The following RFX3 variants were observed in gnomAD, a reference collection of about 807,000 sequenced individuals.
RFX3 encodes regulatory factor X3.
A neutral mutation model predicts 98.6 loss-of-function variants in RFX3; 14 were observed. The ratio of observed to expected loss-of-function variants is 0.14; its 90% CI spans 0.09 to 0.22. The LOEUF (loss-of-function observed/expected upper bound fraction) is 0.22, where lower values mean the gene tolerates loss of function less well. Ranked by LOEUF, RFX3 falls within the 10% of genes least tolerant of loss-of-function variation. RFX3 has a pLI of 1.00. For synonymous variants in RFX3, 383 were observed against 328.4 expected, an observed-to-expected ratio of 1.17 and a Z score of -1.80; for missense variants, 639 against 926.9, an observed-to-expected ratio of 0.69 and a Z score of 4.03.
At chr9:3,334,506 A>T (rs1307726774) in intron 3 of RFX3, among the ~76,000 whole-genome samples, 3 of 152,198 alleles carry the variant, frequency 2.0e-5, no homozygotes, top group African/African-American at 7.2e-5. Flanking sequence ...AGATATATGA[A>T]ATATCTATAT....
At chr9:3,489,336 T>C (rs961024478) in intron 1 of RFX3, 16 of 617,074 alleles carry the variant, frequency 2.6e-5, no homozygotes, top group Non-Finnish European at 2.6e-5. Flanking sequence ...CCTTCCCACC[T>C]ATCCACCCCA....
intron 2 of RFX3, among the ~76,000 whole-genome samples, chr9:3,351,318 T>C (rs1008372700): frequency 1.3e-5 from 2 of 152,006 alleles, no homozygotes; most frequent in Non-Finnish European, 2.9e-5. Context: ...TGCACATATA[T>C]ATGTAAATAT....
In RFX3 at chr9:3,270,366, C is replaced by T; in HGVS notation, c.1357+5G>A. On this transcript the variant is annotated splice_donor_5th_base_variant and intron_variant, in intron 11 of 16. Coordinates refer to ENST00000617270, the MANE Select transcript of RFX3 (RefSeq NM_001282116.2). The stretch of plus-strand genomic sequence containing the variant: ...AGCATCCGTACTCGTCTGCATTTAA[C>T]TTACTAGGAATAGGTCTAAGGACGT... 1 of 1,609,200 alleles carries T rather than the reference C, an allele frequency of 6.2e-7. No homozygotes were observed. The highest frequency in any genetic ancestry group is 8.5e-7 in the Non-Finnish European group (1 of 1,178,346).
intron 1 of RFX3, among the ~76,000 whole-genome samples, chr9:3,412,190 C>T (rs1439677586): frequency 1.3e-5 from 2 of 152,056 alleles, no homozygotes; most frequent in African/African-American, 4.8e-5. Flanking sequence ...ATAATAAGAC[C>T]ACTAAAGGTC....
intron 4 of RFX3, among the ~76,000 whole-genome samples, chr9:3,304,248 T>A (rs1829015569): frequency 6.6e-6 from 1 of 152,024 alleles, no homozygotes; most frequent in Non-Finnish European, 1.5e-5. Flanking sequence ...ATATTCATTT[T>A]AAAAATTTAT....
At position 3,505,582 on chromosome 9, in the gene RFX3, A is replaced by G. The variant is rs1474287489; in HGVS notation, c.-9+20165T>C. On this transcript the variant is annotated intron_variant, in intron 1 of 16. Coordinates refer to ENST00000617270, the MANE Select transcript of RFX3 (RefSeq NM_001282116.2). ...CTGTGTGAGGACAGATGTAAAAATTAGGACTCTTTAACAGGAAGGCCAGCA... is the reference window on the plus strand; with the variant it reads ...CTGTGTGAGGACAGATGTAAAAATTGGGACTCTTTAACAGGAAGGCCAGCA... 2.0e-5 allele frequency among the ~76,000 whole-genome samples: 3 copies of G among 149,744 alleles called. No homozygotes were observed. In the East Asian group the frequency reaches 5.8e-4, roughly 29 times the overall value.
intron 2 of RFX3, among the ~76,000 whole-genome samples, chr9:3,383,173 G>C (rs1041315675): frequency 5.3e-5 from 8 of 151,826 alleles, no homozygotes; most frequent in African/African-American, 1.9e-4. Flanking sequence ...CTTTTTTTAA[G>C]GTTCTATATT....
chr9:3,283,583 C>A (rs978219298), intron 7 of RFX3, among the ~76,000 whole-genome samples: 3 of 151,766 alleles, frequency 2.0e-5, no homozygotes, highest in African/African-American at 7.2e-5. Flanking sequence ...TTTCCTCTCT[C>A]ACTTCTAAAA....
At chr9:3,312,827 G>A (rs999024396) in intron 4 of RFX3, among the ~76,000 whole-genome samples, 7 of 152,218 alleles carry the variant, frequency 4.6e-5, no homozygotes, top group Non-Finnish European at 8.8e-5. Flanking sequence ...AGGGGCGTCC[G>A]CCATTGCTTA....
At chr9:3,516,931 G>C (rs1818239194) in intron 1 of RFX3, among the ~76,000 whole-genome samples, 1 of 152,184 alleles carries the variant, frequency 6.6e-6, no homozygotes, top group South Asian at 2.1e-4. Context: ...GAGAAAATGA[G>C]GGCACTTGGC....
chr9:3,495,413 A>T (rs1328074276), intron 1 of RFX3, among the ~76,000 whole-genome samples: 1 of 151,976 alleles, frequency 6.6e-6, no homozygotes, highest in African/African-American at 2.4e-5. Flanking sequence ...TCATTGATGT[A>T]AAAAAATGGC....
intron 2 of RFX3, among the ~76,000 whole-genome samples, chr9:3,352,938 G>C (rs908415450): frequency 6.6e-6 from 1 of 151,880 alleles, no homozygotes; most frequent in Non-Finnish European, 1.5e-5. Flanking sequence ...CAAAGACTTG[G>C]AACCAACCCA....
chr9:3,288,190 A>G lies in RFX3; in HGVS notation c.792T>C (p.Arg264=). ...IRVKPDSPLN[R]LQEDMQYMAM... is the part of the protein sequence containing the mutation. The stretch of plus-strand genomic sequence containing the variant: ...CCATATACTGCATGTCTTCTTGCAG[A>G]CGATTAAGAGGGGAATCTGGCTTGA... The change falls in exon 7 of 17, where the codon CGT becomes CGC. Residue 264 remains arginine, a synonymous_variant. Transcript: ENST00000617270. 6.2e-7 allele frequency: 1 copy of G among 1,612,208 alleles called. No homozygotes were observed.
At chr9:3,246,579 A>T (rs575579901) in intron 15 of RFX3, among the ~76,000 whole-genome samples, 85 of 152,332 alleles carry the variant, frequency 5.6e-4, no homozygotes, top group African/African-American at 2.0e-3. Flanking sequence ...TAAGTATACT[A>T]AAAGGCAAGG....
chr9:3,355,595 C>T (rs775251656), intron 2 of RFX3, among the ~76,000 whole-genome samples: 14 of 151,762 alleles, frequency 9.2e-5, no homozygotes, highest in Non-Finnish European at 1.5e-4. Context: ...AATCCAGTTA[C>T]AATTGGAGAC....
At chr9:3,482,833 G>C (rs372357534) in intron 1 of RFX3, among the ~76,000 whole-genome samples, 65 of 152,086 alleles carry the variant, frequency 4.3e-4, no homozygotes, top group African/African-American at 1.3e-3. Flanking sequence ...ATATGTAAGG[G>C]CCTAGAGACC....
intron 1 of RFX3, among the ~76,000 whole-genome samples, chr9:3,402,425 G>A (rs370779433): frequency 6.6e-6 from 1 of 151,962 alleles, no homozygotes; most frequent in Non-Finnish European, 1.5e-5. Context: ...TACTTGAACC[G>A]AATTAACCAA....
chr9:3,510,739 C>T (rs1248901502), intron 1 of RFX3, among the ~76,000 whole-genome samples: 1 of 151,982 alleles, frequency 6.6e-6, no homozygotes, highest in African/African-American at 2.4e-5. Context: ...ATAACATGTA[C>T]ATTCTATAAT....
intron 1 of RFX3, among the ~76,000 whole-genome samples, chr9:3,427,311 C>A (rs563126764): frequency 7.3e-5 from 10 of 137,428 alleles, no homozygotes; most frequent in Non-Finnish European, 1.6e-4. Context: ...TATTGTATTA[C>A]ATAATAATAC....
Sources: gnomAD v4.1 joint callset for allele counts (sites outside exome capture counted in the v4.1 genomes callset) on GRCh38, gnomAD v4.1.1 for gene constraint, MANE v1.5 for transcripts, NCBI Gene and HGNC (gene_info 2026-07-23, HGNC 2026-07-21) for gene names.